Variants in SYT17 observed in about 807,000 individuals in gnomAD.
SYT17 encodes synaptotagmin 17.
In SYT17, 22 loss-of-function variants were observed where a neutral mutation model predicts 46.7. The ratio of observed to expected loss-of-function variants is 0.47; its 90% CI spans 0.34 to 0.67. The LOEUF is 0.67. Ranked by LOEUF, SYT17 falls within the 30% of genes least tolerant of loss-of-function variation. The probability of loss-of-function intolerance (pLI) is 0.01; values close to 1 mark genes in which losing one functional copy is unlikely to be tolerated. For missense variants in SYT17, 519 were observed against 612.8 expected, an observed-to-expected ratio of 0.85 and a Z score of 1.62; for synonymous variants, 251 against 248.4, an observed-to-expected ratio of 1.01 and a Z score of -0.10.
At chr16:19,214,943 A>G (rs994125526) in intron 5 of SYT17, among the ~76,000 whole-genome samples, 5 of 151,998 alleles carry the variant, frequency 3.3e-5, no homozygotes, top group Non-Finnish European at 5.9e-5. Flanking sequence ...CGCCCACCCC[A>G]CACACAGCTA....
chr16:19,208,993 A>G (rs962602042), intron 5 of SYT17, among the ~76,000 whole-genome samples: 2 of 138,828 alleles, frequency 1.4e-5, no homozygotes, highest in African/African-American at 5.5e-5. Context: ...TTCGGGTTCA[A>G]GGGAGCTGGG....
chr16:19,180,584 C>G, intron 4 of SYT17, 45 bp downstream of exon 4: 2 of 1,609,976 alleles, frequency 1.2e-6, no homozygotes, highest in South Asian at 1.1e-5. Context: ...GGCTGGCTTT[C>G]CCAGACACTC....
chr16:19,173,611 C>A (rs767490145), intron 3 of SYT17, 33 bp downstream of exon 3: 2 of 1,607,456 alleles, frequency 1.2e-6, no homozygotes, highest in Non-Finnish European at 1.7e-6. Flanking sequence ...TCTCTGAAAT[C>A]AATTTCAAGA....
chr16:19,248,949 T>C (rs1045212031), intron 7 of SYT17, among the ~76,000 whole-genome samples: 7 of 152,116 alleles, frequency 4.6e-5, no homozygotes, highest in Non-Finnish European at 8.8e-5. Context: ...ACTGTGTGAC[T>C]CCATTTATAT....
rs74809520 is a variant in SYT17, at chr16:19,201,331, G to T, written c.951+17184G>T. 1.9e-3 allele frequency among the ~76,000 whole-genome samples: 293 copies of T among 152,280 alleles called. 2 individuals are homozygous for T. The East Asian group carries it at 0.033, about 17-fold the overall frequency. On this transcript the variant is annotated intron_variant, in intron 5 of 7. Coordinates refer to ENST00000355377, the MANE Select transcript of SYT17 (RefSeq NM_016524.4). Reference sequence around the variant, plus strand: ...GGGGAAGAGGTACTTAGGGAACTGAGAACCCTAGGAGTTCCCTGAGCTTCA... The same window carrying T: ...GGGGAAGAGGTACTTAGGGAACTGATAACCCTAGGAGTTCCCTGAGCTTCA...
At chr16:19,186,132 C>G (rs571458696) in intron 5 of SYT17, among the ~76,000 whole-genome samples, 1 of 152,072 alleles carries the variant, frequency 6.6e-6, no homozygotes, top group Non-Finnish European at 1.5e-5. Flanking sequence ...AGCTGCAGGC[C>G]GTGCCTTAGT....
intron 5 of SYT17, among the ~76,000 whole-genome samples, chr16:19,189,176 TC>T (rs1964912662): frequency 2.0e-5 from 3 of 151,960 alleles, no homozygotes; most frequent in Admixed American, 2.0e-4. Flanking sequence ...GTGAGCCACG[TC>T]TTTTCTCTTC....
intron 7 of SYT17, among the ~76,000 whole-genome samples, chr16:19,232,093 T>C (rs908857681): frequency 4.6e-5 from 7 of 152,094 alleles, no homozygotes; most frequent in African/African-American, 1.2e-4. Context: ...GAGGCTGACG[T>C]CATACTTCAA....
chr16:19,182,246 C>T (rs989275487), intron 4 of SYT17, among the ~76,000 whole-genome samples: 2 of 152,054 alleles, frequency 1.3e-5, no homozygotes, highest in Non-Finnish European at 2.9e-5. Context: ...GAAATTCCAT[C>T]TCTATTAAAA....
chr16:19,245,916 A>G (rs996578971), intron 7 of SYT17, among the ~76,000 whole-genome samples: 3 of 152,202 alleles, frequency 2.0e-5, no homozygotes, highest in African/African-American at 7.2e-5. Context: ...TAATTTTTCC[A>G]TACTATATGT....
intron 5 of SYT17, among the ~76,000 whole-genome samples, chr16:19,214,194 C>T (rs547778344): frequency 1.3e-5 from 2 of 152,346 alleles, no homozygotes; most frequent in South Asian, 4.1e-4. Flanking sequence ...TGTCCTAGCA[C>T]CTCATGGATG....
intron 7 of SYT17, among the ~76,000 whole-genome samples, chr16:19,231,355 G>A (rs921665741): frequency 6.6e-6 from 1 of 151,890 alleles, no homozygotes; most frequent in African/African-American, 2.4e-5. Context: ...TGGATCACCT[G>A]AGGTCAGGAG....
chr16:19,183,268 G>T lies in SYT17; in HGVS notation c.332-260G>T, dbSNP rs2142578577. ...AATAATTCAAGGGGATGTGAAGATT[G>T]TGATTGCACATATGCGATGATGTAG... On this transcript the variant is annotated intron_variant, in intron 4 of 7. Coordinates refer to ENST00000355377, the MANE Select transcript of SYT17 (RefSeq NM_016524.4). This position sits in a 1 kb window ranked among gnomAD's most constrained non-coding sequence, Gnocchi z 5.6. 6.6e-6 allele frequency among the ~76,000 whole-genome samples: 1 copy of T among 152,330 alleles called. No homozygotes were observed. The highest frequency in any genetic ancestry group is 1.9e-4 in the East Asian group (1 of 5,180).
chr16:19,231,523 C>CAAAAAAAAAAAAAAAA (rs143448107), intron 7 of SYT17, among the ~76,000 whole-genome samples: 15 of 45,860 alleles, frequency 3.3e-4, no homozygotes, highest in East Asian at 8.6e-4. Context: ...AACTCCATCA[C>CAAAAAAAAAAAAAAAA]AAAAAAAAAA....
At chr16:19,195,337 G>A (rs2142698481) in intron 5 of SYT17, among the ~76,000 whole-genome samples, 1 of 152,064 alleles carries the variant, frequency 6.6e-6, no homozygotes, top group South Asian at 2.1e-4. Flanking sequence ...CTCCTCCATG[G>A]CACTGCTTCT....
chr16:19,215,869 C>T (rs1966077603), intron 5 of SYT17, among the ~76,000 whole-genome samples: 1 of 152,170 alleles, frequency 6.6e-6, no homozygotes, highest in South Asian at 2.1e-4. Context: ...GCAATCATGG[C>T]AGAAGGCAAG....
chr16:19,173,454 C>T lies in SYT17; in HGVS notation c.58C>T (p.Leu20=). 7.2e-7 allele frequency: 1 copy of T among 1,382,268 alleles called. No homozygotes were observed. The highest frequency in any genetic ancestry group is 9.6e-7 in the Non-Finnish European group (1 of 1,037,226). 85.6% of individuals were successfully genotyped at this position (1,382,268 alleles called of 1,614,324 possible). The change falls in exon 3 of 8, where the codon CTG becomes TTG. Residue 20 remains leucine (L), a synonymous_variant. Transcript: ENST00000355377. ...NEGFLSRISG[L]LLCRWTCRHC... The stretch of plus-strand genomic sequence containing the variant: ...GGGTTTTCTTTCTAGAATCTCTGGT[C>T]TGCTGCTGTGCAGATGGACCTGCCG...
At chr16:19,232,039 G>T (rs972228525) in intron 7 of SYT17, among the ~76,000 whole-genome samples, 4 of 152,166 alleles carry the variant, frequency 2.6e-5, no homozygotes, top group Admixed American at 1.3e-4. Flanking sequence ...GGATTGCAGG[G>T]GATGCAGAGA....
chr16:19,249,591 G>C lies in SYT17; in HGVS notation c.1229-17289G>C, dbSNP rs182197948. Among the ~76,000 whole-genome samples the C allele has an allele frequency of 2.0e-3, 312 of 152,246 alleles. 5 individuals carry two copies. The highest frequency in any genetic ancestry group is 7.1e-3 in the African/African-American group (297 of 41,540). On this transcript the variant is annotated intron_variant, in intron 7 of 7. Coordinates refer to ENST00000355377, the MANE Select transcript of SYT17 (RefSeq NM_016524.4). The stretch of plus-strand genomic sequence containing the variant: ...TTTAAAAATGAAACAAGTGGTTGTG[G>C]GTTTAATTTGCATTTTCTCATGACT...
Sources: gnomAD v4.1 joint callset for allele counts (sites outside exome capture counted in the v4.1 genomes callset) on GRCh38, gnomAD v4.1.1 for gene constraint, Gnocchi (gnomAD v3.1) non-coding constraint, MANE v1.5 for transcripts, NCBI Gene and HGNC (gene_info 2026-07-23, HGNC 2026-07-21) for gene names.